Variants in XNDC1N observed in about 807,000 individuals in gnomAD.
The protein encoded by XNDC1N is XRCC1 N-terminal domain containing 1, N-terminal like, also known as protein XNDC1N.
At chr11:71,896,114 C>A in the XNDC1N span, among the ~76,000 whole-genome samples, 1 of 152,176 alleles carries the variant, frequency 6.6e-6, no homozygotes, top group Non-Finnish European at 1.5e-5. Context: ...CCCGTCTCCA[C>A]GGTAAACACA....
the XNDC1N span, among the ~76,000 whole-genome samples, chr11:71,900,338 C>T: frequency 4.7e-3 from 707 of 150,380 alleles, 2 homozygotes; most frequent in African/African-American, 0.016. Flanking sequence ...TCATCCCACC[C>T]GACTAGACAT....
At chr11:71,873,573 G>A in the XNDC1N span, among the ~76,000 whole-genome samples, 5 of 152,200 alleles carry the variant, frequency 3.3e-5, no homozygotes, top group African/African-American at 1.2e-4. Context: ...GAAATAGGGG[G>A]ACAGAGTTTC....
chr11:71,882,557 A>T, the XNDC1N span, among the ~76,000 whole-genome samples: 1 of 152,236 alleles, frequency 6.6e-6, no homozygotes, highest in African/African-American at 2.4e-5. Context: ...GTAAAAATAC[A>T]TAATTTTCTT....
At chr11:71,927,015 G>T in the XNDC1N span, among the ~76,000 whole-genome samples, 13 of 151,978 alleles carry the variant, frequency 8.6e-5, no homozygotes, top group Non-Finnish European at 1.8e-4. Flanking sequence ...TTTGGGAGGC[G>T]GAGGCTCAGG....
At chr11:71,903,091 G>C in the XNDC1N span, 1 of 568,940 alleles carries the variant, frequency 1.8e-6, no homozygotes, top group Non-Finnish European at 3.2e-6. Context: ...CTTGTGAATT[G>C]CTTCTATCCA....
At chr11:71,882,054 T>C in the XNDC1N span, among the ~76,000 whole-genome samples, 17 of 152,142 alleles carry the variant, frequency 1.1e-4, no homozygotes, top group African/African-American at 4.1e-4. Flanking sequence ...ATAGGCATAT[T>C]ATATTGAAAC....
the XNDC1N span, among the ~76,000 whole-genome samples, chr11:71,905,940 C>G: frequency 2.6e-5 from 4 of 152,060 alleles, no homozygotes; most frequent in South Asian, 8.3e-4. Flanking sequence ...GGCTGTACAC[C>G]ACCTGTGACA....
chr11:71,878,433 C>A, the XNDC1N span: 2 of 1,611,252 alleles, frequency 1.2e-6, no homozygotes, highest in Admixed American at 1.7e-5. Context: ...TTCTCTCTAA[C>A]CTGCTTTACC....
the XNDC1N span, among the ~76,000 whole-genome samples, chr11:71,906,705 G>A: frequency 3.3e-5 from 5 of 152,096 alleles, no homozygotes; most frequent in African/African-American, 9.7e-5. Context: ...TGTGATTTAC[G>A]AGTAACATTT....
At chr11:71,881,052 T>G in the XNDC1N span, among the ~76,000 whole-genome samples, 2 of 152,212 alleles carry the variant, frequency 1.3e-5, no homozygotes. Flanking sequence ...CAGATTAAAT[T>G]TGATGATTAT....
At chr11:71,916,958 A>G in the XNDC1N span, 1 of 161,276 alleles carries the variant, frequency 6.2e-6, no homozygotes, top group East Asian at 1.8e-4. Flanking sequence ...TCCATCACTT[A>G]CATAAACATC....
the XNDC1N span, among the ~76,000 whole-genome samples, chr11:71,908,963 A>C: frequency 6.6e-6 from 1 of 152,148 alleles, no homozygotes; most frequent in Non-Finnish European, 1.5e-5. Context: ...TAATGAGGGG[A>C]GCTCAGAAGG....
At chr11:71,905,954 G>A in the XNDC1N span, among the ~76,000 whole-genome samples, 4 of 151,944 alleles carry the variant, frequency 2.6e-5, no homozygotes, top group Non-Finnish European at 4.4e-5. Context: ...TGTGACATTA[G>A]GAGTAGCATC....
At chr11:71,925,384 T>C in the XNDC1N span, among the ~76,000 whole-genome samples, 1 of 152,094 alleles carries the variant, frequency 6.6e-6, no homozygotes, top group Non-Finnish European at 1.5e-5. Context: ...GCATTCAAAA[T>C]GGGGTAGATT....
chr11:71,872,523 A>G, the XNDC1N span, among the ~76,000 whole-genome samples: 1 of 151,238 alleles, frequency 6.6e-6, no homozygotes, highest in African/African-American at 2.4e-5. Flanking sequence ...GGAGATCGAG[A>G]CCATCCTGGC....
At chr11:71,867,553 A>C in the XNDC1N span, among the ~76,000 whole-genome samples, 2 of 152,186 alleles carry the variant, frequency 1.3e-5, no homozygotes, top group Non-Finnish European at 2.9e-5. Context: ...CATTCCCAAA[A>C]GTCATTCAGG....
the XNDC1N span, among the ~76,000 whole-genome samples, chr11:71,910,429 C>T: frequency 1.5e-4 from 23 of 152,264 alleles, no homozygotes; most frequent in East Asian, 1.4e-3. Context: ...TACACTTGGA[C>T]CGGGTTTCCC....
chr11:71,928,380 T>A, the XNDC1N span: 3 of 681,656 alleles, frequency 4.4e-6, no homozygotes, highest in Non-Finnish European at 8.0e-6. Context: ...ACCGTGGACC[T>A]CGAGGAGCCA....
the XNDC1N span, among the ~76,000 whole-genome samples, chr11:71,878,972 C>A: frequency 6.6e-6 from 1 of 152,074 alleles, no homozygotes; most frequent in Non-Finnish European, 1.5e-5. Flanking sequence ...TGCACACCAG[C>A]CTGGGCAACA....
Sources: allele counts gnomAD v4.1 joint callset (sites outside exome capture counted in the v4.1 genomes callset), GRCh38; gene constraint gnomAD v4.1.1; transcripts MANE v1.5; gene names NCBI Gene and HGNC (gene_info 2026-07-23, HGNC 2026-07-21).